IPO9: variants seen among roughly 807,000 people sequenced by gnomAD.
IPO9 encodes importin-9.
In IPO9, 28 loss-of-function variants were observed where a neutral mutation model predicts 128.6. The ratio of observed to expected loss-of-function variants is 0.22; its 90% CI spans 0.16 to 0.30. The LOEUF is 0.30. IPO9 is among the 10% of genes least tolerant of loss of function. IPO9 has a pLI of 1.00. For synonymous variants in IPO9, 455 were observed against 475.8 expected (o/e 0.96, Z 0.57); for missense variants, 935 against 1,293.9 (o/e 0.72, Z 4.26).
chr1:201,829,730 C>T (rs1476133956), intron 1 of IPO9, among the ~76,000 whole-genome samples: 1 of 152,080 alleles, frequency 6.6e-6, no homozygotes, highest in Admixed American at 6.5e-5. Context: ...CAAAGTCTTT[C>T]GCTGTTCTCT....
chr1:201,855,962 A>G (rs921992947), intron 10 of IPO9, 28 bp downstream of exon 10: 1 of 1,540,688 alleles, frequency 6.5e-7, no homozygotes, highest in South Asian at 1.2e-5. Flanking sequence ...GACAGTTACC[A>G]TCTTGTATTT....
At chr1:201,868,837 T>TCTA in intron 16 of IPO9, 41 bp downstream of exon 16, 1 of 1,544,314 alleles carries the variant, frequency 6.5e-7, no homozygotes, top group Non-Finnish European at 8.8e-7. Context: ...GTGAGAGAGA[T>TCTA]CTACAAGTGC....
At chr1:201,836,562 G>A (rs574000199) in intron 1 of IPO9, among the ~76,000 whole-genome samples, 3 of 152,086 alleles carry the variant, frequency 2.0e-5, no homozygotes, top group South Asian at 2.1e-4. Flanking sequence ...ATTTTGCATC[G>A]GTTTTATAGC....
In IPO9 at chr1:201,857,004, C is replaced by T. The variant is rs991734856; in HGVS notation, c.1123-92C>T. 3 of 870,332 alleles carry T rather than the reference C, an allele frequency of 3.4e-6. No individual in the cohort carries two copies. In the African/African-American group the frequency reaches 5.0e-5, roughly 14 times the overall value. 53.9% of individuals were successfully genotyped at this position (870,332 alleles called of 1,614,324 possible). A position where few individuals can be genotyped will look rare whatever the true frequency, so the allele number is the denominator to read the frequency against. ...ATCCAGCAAAAGGCTAGAGTTTTTT[C>T]AGGATAATAGGTTGAAATCTTCCTG... On this transcript the variant is annotated intron_variant, in intron 10 of 23. Transcript: ENST00000361565.
intron 19 of IPO9, among the ~76,000 whole-genome samples, chr1:201,872,360 T>G (rs979922399): frequency 5.9e-5 from 9 of 152,202 alleles, no homozygotes; most frequent in African/African-American, 2.2e-4. Flanking sequence ...AGGTCACCTG[T>G]AATCCCGGCA....
intron 7 of IPO9, 25 bp downstream of exon 7, chr1:201,854,739 A>G: frequency 6.2e-7 from 1 of 1,611,520 alleles, no homozygotes; most frequent in Non-Finnish European, 8.5e-7. Context: ...CCAATGAAAT[A>G]TTTGGAGTTT....
In IPO9 at chr1:201,870,966, A is replaced by G; in HGVS notation, c.2409+108A>G. Reference sequence around the variant, plus strand: ...TTTACCCTCTTACTAGCCTTGTAGGACAGTTAAGTAAAATGGGACCTGTCT... The same window carrying G: ...TTTACCCTCTTACTAGCCTTGTAGGGCAGTTAAGTAAAATGGGACCTGTCT... On this transcript the variant is annotated intron_variant, in intron 18 of 23. Coordinates refer to ENST00000361565, the MANE Select transcript of IPO9 (RefSeq NM_018085.5). The surrounding 1 kb of genome is among the most constrained non-coding windows in gnomAD (Gnocchi z 4.9). 1 of 1,392,734 alleles carries G rather than the reference A, an allele frequency of 7.2e-7. No individual in the cohort carries two copies. Among genetic ancestry groups the G allele is most frequent in the Non-Finnish European group, 9.7e-7 (1 of 1,035,086 alleles). The allele number at this position is 1,392,734 out of a possible 1,614,324, so 86.3% of individuals were successfully genotyped here.
At chr1:201,837,763 A>G (rs1679965111) in intron 1 of IPO9, among the ~76,000 whole-genome samples, 1 of 152,218 alleles carries the variant, frequency 6.6e-6, no homozygotes, top group South Asian at 2.1e-4. Context: ...AAAATTATTT[A>G]AATCATGCCT....
intron 13 of IPO9, among the ~76,000 whole-genome samples, 186 bp downstream of exon 13, chr1:201,859,180 A>AATAAATAAATAT (rs371428335): frequency 1.2e-5 from 1 of 83,478 alleles, no homozygotes; most frequent in African/African-American, 4.0e-5. Context: ...CTCAAAGTAT[A>AATAAATAAATAT]ATATATATAT....
chr1:201,881,696 T>C lies in IPO9; in HGVS notation c.*5642T>C, dbSNP rs1007819629. 6.6e-6 allele frequency: 1 copy of C among 152,176 alleles called. No individual in the cohort carries two copies. The highest frequency in any genetic ancestry group is 1.5e-5 in the Non-Finnish European group (1 of 68,036). The allele number at this position is 152,176 out of a possible 1,614,324, so 9.4% of individuals were successfully genotyped here. The stretch of plus-strand genomic sequence containing the variant: ...CAGGGAAGTGATCAGGTTTTGTGTC[T>C]TAGAAAAGTGTTGCAGTGTTGATGC... On this transcript the variant is annotated 3_prime_UTR_variant, in exon 24 of 24. Transcript: ENST00000361565.
At position 201,874,282 on chromosome 1, in the gene IPO9, G is replaced by T; in HGVS notation, c.2743G>T (p.Val915Phe). 1.2e-6 allele frequency: 2 copies of T among 1,613,822 alleles called. No individual in the cohort carries two copies. Among genetic ancestry groups the T allele is most frequent in the Non-Finnish European group, 1.7e-6 (2 of 1,179,842 alleles). ...ACGCTGGACAAACATTCCTTTGCTG[G>T]TCAAGATCCTAAAGCTGATCATCAA... Reference protein sequence around the residue: ...PERWTNIPLLVKILKLIINEL... With the variant: ...PERWTNIPLLFKILKLIINEL... Residue 915 changes from valine (V) to phenylalanine (F), a missense_variant, in exon 21 of 24, where the codon GTC becomes TTC. Val to Phe is a conservative substitution (Grantham distance 50, BLOSUM62 -1). Around this residue, in one of 3 missense-constraint regions of IPO9, gnomAD observed 188 missense variants for 246.7 expected, o/e 0.76. Coordinates refer to ENST00000361565, the MANE Select transcript of IPO9 (RefSeq NM_018085.5).
chr1:201,862,755 G>A (rs962273259), intron 13 of IPO9, among the ~76,000 whole-genome samples: 10 of 149,622 alleles, frequency 6.7e-5, no homozygotes, highest in Admixed American at 2.0e-4. Context: ...GTGGTGAGCC[G>A]AGATCGCACT....
chr1:201,876,020 A>G lies in IPO9; in HGVS notation c.3092A>G (p.Asn1031Ser), dbSNP rs756378747. The change falls in exon 24 of 24, where the codon AAT (asparagine) becomes AGT (serine). Residue 1031 changes from asparagine to serine, a missense_variant. Around this residue, in one of 3 missense-constraint regions of IPO9, gnomAD observed 188 missense variants for 246.7 expected, o/e 0.76. Coordinates refer to ENST00000361565, the MANE Select transcript of IPO9 (RefSeq NM_018085.5). Reference protein sequence around the residue: ...YIMFSGHLNDNERRVLQTIGI With the variant: ...YIMFSGHLNDSERRVLQTIGI ...ATGTTTTCAGGCCACCTTAATGACA[A>G]TGAGAGGCGAGTTCTACAGACCATC... 4 of 1,613,630 alleles carry G rather than the reference A, an allele frequency of 2.5e-6. No homozygotes were observed. Among genetic ancestry groups the G allele is most frequent in the Non-Finnish European group, 3.4e-6 (4 of 1,179,534 alleles).
Position 201,880,005 on chromosome 1 carries a change from C to T in IPO9, c.*3951C>T, listed in dbSNP as rs1571561594. On this transcript the variant is annotated 3_prime_UTR_variant, in exon 24 of 24. Coordinates refer to ENST00000361565, the MANE Select transcript of IPO9 (RefSeq NM_018085.5). Reference sequence around the variant, plus strand: ...AGTGAGTCGAGATCACACCATTGCACTCCAGCCTGGGCAACAGAGCAAGAT... The same window carrying T: ...AGTGAGTCGAGATCACACCATTGCATTCCAGCCTGGGCAACAGAGCAAGAT... 1 of 152,284 alleles carries T rather than the reference C, an allele frequency of 6.6e-6. No homozygotes were observed. Among genetic ancestry groups the T allele is most frequent in the South Asian group, 2.1e-4 (1 of 4,824 alleles). The allele number at this position is 152,284 out of a possible 1,614,324, so 9.4% of individuals were successfully genotyped here. A position where few individuals can be genotyped will look rare whatever the true frequency, so the allele number is the denominator to read the frequency against.
intron 6 of IPO9, 79 bp from the exon 7 acceptor site, chr1:201,854,516 A>G: frequency 1.3e-6 from 2 of 1,542,246 alleles, no homozygotes; most frequent in East Asian, 2.3e-5. Flanking sequence ...GTGCCTTTCA[A>G]ATATCAGTGT....
intron 14 of IPO9, among the ~76,000 whole-genome samples, chr1:201,865,471 G>C (rs1225604465): frequency 1.3e-5 from 2 of 152,130 alleles, no homozygotes; most frequent in Non-Finnish European, 2.9e-5. Flanking sequence ...ACCTCCCAAA[G>C]TGCTGGGATT....
intron 1 of IPO9, among the ~76,000 whole-genome samples, chr1:201,831,535 A>G (rs1406363179): frequency 6.6e-6 from 1 of 152,220 alleles, no homozygotes; most frequent in East Asian, 1.9e-4. Context: ...AAGGTGGAGA[A>G]TGGCGGTCCA....
Position 201,877,710 on chromosome 1 carries a change from G to T in IPO9, c.*1656G>T, listed in dbSNP as rs1052878074. 6.6e-6 allele frequency: 1 copy of T among 152,096 alleles called. No homozygotes were observed. The highest frequency in any genetic ancestry group is 6.6e-5 in the Admixed American group (1 of 15,260). The allele number at this position is 152,096 out of a possible 1,614,324, so 9.4% of individuals were successfully genotyped here. On this transcript the variant is annotated 3_prime_UTR_variant, in exon 24 of 24. Coordinates refer to ENST00000361565, the MANE Select transcript of IPO9 (RefSeq NM_018085.5). ...AGGCCGAAGCCAGCGGATCACCAGA[G>T]GTCAGGAGTTCGAGACCAGCCTGAC... is the stretch of plus-strand genomic sequence containing the variant.
At chr1:201,851,009 G>GTTTT in intron 4 of IPO9, among the ~76,000 whole-genome samples, 1 of 151,610 alleles carries the variant, frequency 6.6e-6, no homozygotes, top group Non-Finnish European at 1.5e-5. Flanking sequence ...TTTATTTTTA[G>GTTTT]TTTTATTTAT....
Sources: allele counts gnomAD v4.1 joint callset (sites outside exome capture counted in the v4.1 genomes callset), GRCh38; gene constraint gnomAD v4.1.1; regional missense constraint gnomAD v4.1.1; non-coding constraint Gnocchi (gnomAD v3.1); transcripts MANE v1.5; gene names NCBI Gene and HGNC (gene_info 2026-07-23, HGNC 2026-07-21).